Variants in TFPT observed in about 807,000 individuals in gnomAD.
TFPT encodes INO80 complex subunit F.
TFPT carries 27 observed loss-of-function variants against 28.8 expected under a neutral mutation model. The ratio of observed to expected loss-of-function variants is 0.94; its 90% CI spans 0.69 to 1.29. TFPT has a LOEUF of 1.29. TFPT is among the 50% of genes most tolerant of loss of function. TFPT has a pLI of 0.00. For missense variants in TFPT, 330 were observed against 338.0 expected (o/e 0.98, Z 0.19); for synonymous variants, 152 against 142.8 (o/e 1.06, Z -0.46).
chr19:54,108,751 C>T lies in TFPT; in HGVS notation c.354-356G>A, dbSNP rs147114902. The T allele has an allele frequency of 1.0e-5, 8 of 778,246 alleles. No homozygotes were observed. The African/African-American group carries it at 1.2e-4, about 12-fold the overall frequency. The allele number at this position is 778,246 out of a possible 1,614,324, so 48.2% of individuals were successfully genotyped here. ...TGTGAGTTATAATTTTTATTGATAACTGAAGAGAGGGGAGTACAGAACGCT... is the reference window on the plus strand; with the variant it reads ...TGTGAGTTATAATTTTTATTGATAATTGAAGAGAGGGGAGTACAGAACGCT... On this transcript the variant is annotated intron_variant, in intron 3 of 5. Coordinates refer to ENST00000391759, the MANE Select transcript of TFPT (RefSeq NM_013342.4).
In TFPT at chr19:54,107,569, C is replaced by T. The variant is rs587613933; in HGVS notation, c.643-400G>A. 1.1e-4 allele frequency: 31 copies of T among 283,774 alleles called. No homozygotes were observed. In the South Asian group the frequency reaches 1.7e-3, roughly 16 times the overall value. 17.6% of individuals were successfully genotyped at this position (283,774 alleles called of 1,614,324 possible). A position where few individuals can be genotyped will look rare whatever the true frequency, so the allele number is the denominator to read the frequency against. The stretch of plus-strand genomic sequence containing the variant: ...TGGCCAGCCTCACAGTTCTTGTCTG[C>T]CCAGGCCAGTCACCTTCCTCCTTAC... On this transcript the variant is annotated intron_variant, in intron 5 of 5. Coordinates refer to ENST00000391759, the MANE Select transcript of TFPT (RefSeq NM_013342.4).
rs770666460 is a variant in TFPT at position 54,114,634 on chromosome 19, G to A, written c.90C>T (p.Pro30=). 2.7e-5 allele frequency: 44 copies of A among 1,613,918 alleles called. No individual in the cohort carries two copies. Among genetic ancestry groups the A allele is most frequent in the African/African-American group, 8.0e-5 (6 of 74,894 alleles). Residue 30 remains proline (P), a synonymous_variant, in exon 2 of 6, where the codon CCC becomes CCT. Coordinates refer to ENST00000391759, the MANE Select transcript of TFPT (RefSeq NM_013342.4). ...APPGSELALP[P]LFGGHILESE... ...TCTCCAGGATGTGGCCACCAAATAG[G>A]GGAGGCAACGCCAACTCTGAGCCTG...
chr19:54,114,386 G>GGGGGCGGTAGTTTA, intron 2 of TFPT, 56 bp downstream of exon 2: 1 of 1,563,664 alleles, frequency 6.4e-7, no homozygotes, highest in Non-Finnish European at 8.6e-7. Flanking sequence ...AGAGATTGCG[G>GGGGGCGGTAGTTTA]GGGGCGGTAG....
rs757061328 is a variant in TFPT, at chr19:54,107,119, G to T, written c.693C>A (p.Ser231=). ...FGFEADEALD[S]SWVSRGPDKL... ...TGTCTGGACCCCGAGAAACCCAACT[G>T]GAATCCAGGGCCTCATCTGCTTCAA... The change falls in exon 6 of 6, where the codon TCC becomes TCA. Residue 231 remains serine, a synonymous_variant. Transcript: ENST00000391759. 3.0e-5 allele frequency: 48 copies of T among 1,613,826 alleles called. No homozygotes were observed. In the Admixed American group the frequency reaches 7.8e-4, roughly 26 times the overall value.
At chr19:54,107,252 G>A in intron 5 of TFPT, 83 bp from the exon 6 acceptor site, 2 of 1,558,070 alleles carry the variant, frequency 1.3e-6, no homozygotes, top group Middle Eastern at 1.7e-4. Context: ...TTTTCATTTT[G>A]TTTTGCTTTT....
In TFPT at chr19:54,110,088, C is replaced by G. The variant is rs772441947; in HGVS notation, c.316G>C (p.Val106Leu). Residue 106 changes from valine to leucine, a missense_variant, in exon 3 of 6, where the codon GTG (valine) becomes CTG (leucine). Coordinates refer to ENST00000391759, the MANE Select transcript of TFPT (RefSeq NM_013342.4). ...NERVLNRLHQ[V>L]QRITRRLQQE... Reference sequence around the variant, plus strand: ...TGCAGCCTCCGAGTTATCCTCTGCACCTGATGGAGCCTGTTCAGGACCCGC... The same window carrying G: ...TGCAGCCTCCGAGTTATCCTCTGCAGCTGATGGAGCCTGTTCAGGACCCGC... The G allele has an allele frequency of 9.3e-6, 15 of 1,614,154 alleles. No homozygotes were observed. In the South Asian group the frequency reaches 1.6e-4, roughly 18 times the overall value.
intron 2 of TFPT, among the ~76,000 whole-genome samples, chr19:54,110,788 T>C (rs908952753): frequency 1.3e-5 from 2 of 152,098 alleles, no homozygotes; most frequent in Non-Finnish European, 2.9e-5. Context: ...TTCCTCCTAG[T>C]GCTCATCTGA....
intron 4 of TFPT, 31 bp downstream of exon 4, chr19:54,108,295 T>C (rs1239779673): frequency 1.3e-6 from 2 of 1,582,450 alleles, no homozygotes; most frequent in Non-Finnish European, 1.7e-6. Context: ...GAGCTCCCAG[T>C]TCCTGACCCT....
chr19:54,113,026 G>C (rs147768881), intron 2 of TFPT, among the ~76,000 whole-genome samples: 3,874 of 149,612 alleles, frequency 0.026, 164 homozygotes, highest in African/African-American at 0.09. Context: ...CCAGGAGGTG[G>C]AGGTTACAGT....
chr19:54,115,178 T>G, intron 1 of TFPT, 69 bp downstream of exon 1: 1 of 1,611,226 alleles, frequency 6.2e-7, no homozygotes, highest in Non-Finnish European at 8.5e-7. Context: ...AAAGCTCATA[T>G]GGTTGCACAC....
At position 54,110,089 on chromosome 19, in the gene TFPT, C is replaced by G. The variant is rs940733213; in HGVS notation, c.315G>C (p.Gln105His). The change falls in exon 3 of 6, where the codon CAG (glutamine) becomes CAC (histidine). Residue 105 changes from glutamine (Q) to histidine (H), a missense_variant. By Grantham distance (24) the Gln-to-His change is conservative (BLOSUM62 0). Transcript: ENST00000391759. ...GCAGCCTCCGAGTTATCCTCTGCACCTGATGGAGCCTGTTCAGGACCCGCT... is the reference window on the plus strand; with the variant it reads ...GCAGCCTCCGAGTTATCCTCTGCACGTGATGGAGCCTGTTCAGGACCCGCT... ...VNERVLNRLH[Q>H]VQRITRRLQQ... The G allele has an allele frequency of 6.2e-7, 1 of 1,614,190 alleles. No homozygotes were observed. Among genetic ancestry groups the G allele is most frequent in the Non-Finnish European group, 8.5e-7 (1 of 1,180,036 alleles).
chr19:54,114,735 C>G (rs749276405), intron 1 of TFPT, 35 bp from the exon 2 acceptor site: 39 of 1,588,388 alleles, frequency 2.5e-5, no homozygotes, highest in Non-Finnish European at 3.1e-5. Context: ...GGCCCTGGAT[C>G]CTGGACCCCC....
In TFPT at chr19:54,114,593, T is replaced by C. The variant is rs1368887473; in HGVS notation, c.131A>G (p.Glu44Gly). The C allele has an allele frequency of 2.5e-6, 4 of 1,613,932 alleles. No homozygotes were observed. The highest frequency in any genetic ancestry group is 3.4e-6 in the Non-Finnish European group (4 of 1,180,012). ...GHILESELET[E>G]VEFVSGGLGG... ...CAGACCACCTGACACAAACTCCACTTCCGTCTCCAGCTCGCTCTCCAGGAT... is the reference window on the plus strand; with the variant it reads ...CAGACCACCTGACACAAACTCCACTCCCGTCTCCAGCTCGCTCTCCAGGAT... Residue 44 changes from glutamate to glycine, a missense_variant, in exon 2 of 6, where the codon GAA (glutamate) becomes GGA (glycine). By Grantham distance (98) the Glu-to-Gly change is moderately conservative. Transcript: ENST00000391759.
At position 54,114,640 on chromosome 19, in the gene TFPT, C is replaced by CA; in HGVS notation, c.83dup (p.Leu28PhefsTer35). The CA allele has an allele frequency of 1.2e-6, 2 of 1,614,050 alleles. No homozygotes were observed. Among genetic ancestry groups the CA allele is most frequent in the South Asian group, 2.2e-5 (2 of 91,082 alleles). ...GGATGTGGCCACCAAATAGGGGAGG[C>CA]AACGCCAACTCTGAGCCTGGCGGCG... On this transcript the variant is annotated frameshift_variant, in exon 2 of 6. Transcript: ENST00000391759. LOFTEE classifies it high-confidence loss of function.
chr19:54,108,515 G>T, intron 3 of TFPT, 120 bp from the exon 4 acceptor site: 1 of 1,613,112 alleles, frequency 6.2e-7, no homozygotes, highest in Non-Finnish European at 8.5e-7. Flanking sequence ...GGAGCCAGAC[G>T]GTCCTGAGCT....
chr19:54,113,912 C>T (rs777916762), intron 2 of TFPT, among the ~76,000 whole-genome samples: 3 of 152,148 alleles, frequency 2.0e-5, no homozygotes, highest in Admixed American at 1.3e-4. Flanking sequence ...AGGCTGGTCT[C>T]GAACTCCTAA....
chr19:54,107,351 T>A (rs1169875174), intron 5 of TFPT, 182 bp from the exon 6 acceptor site: 4 of 751,880 alleles, frequency 5.3e-6, no homozygotes, highest in African/African-American at 1.8e-5. Context: ...CAGGCTCAAG[T>A]GATCCTCCCA....
intron 2 of TFPT, among the ~76,000 whole-genome samples, chr19:54,113,116 A>T (rs1190386425): frequency 6.6e-6 from 1 of 151,632 alleles, no homozygotes; most frequent in African/African-American, 2.4e-5. Flanking sequence ...AAAAAAAAAA[A>T]AAAAAGTTGA....
chr19:54,107,432 A>G, intron 5 of TFPT: 1 of 490,756 alleles, frequency 2.0e-6, no homozygotes, highest in Non-Finnish European at 3.6e-6. Context: ...TCTTTTTGGT[A>G]GAGATGGGGT....
Sources: allele counts gnomAD v4.1 joint callset (sites outside exome capture counted in the v4.1 genomes callset), GRCh38; gene constraint gnomAD v4.1.1; transcripts MANE v1.5; gene names NCBI Gene and HGNC (gene_info 2026-07-23, HGNC 2026-07-21).